MYOCOS: variants seen among roughly 807,000 people sequenced by gnomAD.
The protein encoded by MYOCOS is myocilin opposite strand.
At chr1:171,607,151 T>C (rs1358622928) in intron 1 of MYOCOS, among the ~76,000 whole-genome samples, 1 of 152,038 alleles carries the variant, frequency 6.6e-6, no homozygotes, top group African/African-American at 2.4e-5. Context: ...TATGTCTGTT[T>C]TTCCACCTCT....
chr1:171,602,949 A>G (rs1652170866), intron 1 of MYOCOS, among the ~76,000 whole-genome samples: 1 of 152,158 alleles, frequency 6.6e-6, no homozygotes, highest in East Asian at 1.9e-4. Context: ...ATAAAAAGCA[A>G]TTGTTATGCT....
At chr1:171,605,000 T>C (rs1652217646) in intron 1 of MYOCOS, among the ~76,000 whole-genome samples, 1 of 152,092 alleles carries the variant, frequency 6.6e-6, no homozygotes, top group Admixed American at 6.5e-5. Context: ...AAAAAGGAAG[T>C]TCAAAGATGC....
chr1:171,619,413 C>T (rs371147973), upstream of MYOCOS, among the ~76,000 whole-genome samples: 5 of 152,252 alleles, frequency 3.3e-5, no homozygotes, highest in Non-Finnish European at 5.9e-5. Context: ...GTGATTTTTC[C>T]TGGATTGTAC....
At chr1:171,613,868 GGCT>G (rs1415182627) in intron 1 of MYOCOS, among the ~76,000 whole-genome samples, 3 of 148,928 alleles carry the variant, frequency 2.0e-5, no homozygotes, top group African/African-American at 7.8e-5. Flanking sequence ...ACTGCCCTTT[GGCT>G]GTGGGAAATG....
intron 1 of MYOCOS, among the ~76,000 whole-genome samples, chr1:171,607,250 A>T (rs1247932003): frequency 5.3e-5 from 8 of 152,168 alleles, no homozygotes; most frequent in Non-Finnish European, 1.0e-4. Flanking sequence ...GTTGTTTGGT[A>T]GGTTAGTAGG....
At chr1:171,612,034 T>C (rs1244143420) in intron 1 of MYOCOS, among the ~76,000 whole-genome samples, 2 of 152,196 alleles carry the variant, frequency 1.3e-5, no homozygotes, top group Non-Finnish European at 2.9e-5. Flanking sequence ...AGGGATATTA[T>C]GAGAACTGCT....
upstream of MYOCOS, among the ~76,000 whole-genome samples, chr1:171,618,276 A>T (rs1454371340): frequency 6.6e-6 from 1 of 152,222 alleles, no homozygotes; most frequent in African/African-American, 2.4e-5. Context: ...AAGGGAGCTG[A>T]TAGTACACTT....
chr1:171,612,651 C>T (rs1652376968), intron 1 of MYOCOS, among the ~76,000 whole-genome samples: 2 of 151,798 alleles, frequency 1.3e-5, no homozygotes, highest in Admixed American at 1.3e-4. Context: ...CACGGTGAAA[C>T]ACCATCTCTA....
chr1:171,614,073 C>A (rs138760949), intron 1 of MYOCOS, among the ~76,000 whole-genome samples: 4 of 152,274 alleles, frequency 2.6e-5, no homozygotes, highest in African/African-American at 7.2e-5. Flanking sequence ...CAATTTATTC[C>A]CTTCCAACAG....
chr1:171,616,186 C>T (rs1652447554), intron 2 of MYOCOS, among the ~76,000 whole-genome samples: 1 of 152,074 alleles, frequency 6.6e-6, no homozygotes. Flanking sequence ...CACTGCACTC[C>T]AGCCTGGGTG....
intron 1 of MYOCOS, among the ~76,000 whole-genome samples, chr1:171,601,733 G>A (rs115762507): frequency 0.087 from 13,267 of 152,054 alleles, 743 homozygotes; most frequent in Middle Eastern, 0.15. Context: ...ACCAATTTCC[G>A]TACATAGACA....
upstream of MYOCOS, among the ~76,000 whole-genome samples, chr1:171,618,977 AAACT>A (rs1652503581): frequency 2.0e-5 from 3 of 152,200 alleles, no homozygotes; most frequent in Admixed American, 2.0e-4. Flanking sequence ...AGATAATTTC[AAACT>A]ATTTTTCAAG....
chr1:171,624,750 T>G (rs1008234141), intron 2 of MYOCOS, among the ~76,000 whole-genome samples: 2 of 151,758 alleles, frequency 1.3e-5, no homozygotes, highest in Non-Finnish European at 2.9e-5. Flanking sequence ...CCCGGCCAGT[T>G]TTTTTGTATT....
intron 1 of MYOCOS, among the ~76,000 whole-genome samples, chr1:171,614,190 C>G (rs1011137363): frequency 1.3e-5 from 2 of 152,176 alleles, no homozygotes; most frequent in Non-Finnish European, 1.5e-5. Context: ...TCCACATTGC[C>G]TGGTAATCCA....
intron 1 of MYOCOS, among the ~76,000 whole-genome samples, chr1:171,608,417 T>TC (rs1652294156): frequency 7.6e-6 from 1 of 131,326 alleles, no homozygotes; most frequent in Admixed American, 7.6e-5. Flanking sequence ...ACTTTTTTTT[T>TC]TTTTTTTTTT....
chr1:171,621,946 A>G (rs1358442434), upstream of MYOCOS, among the ~76,000 whole-genome samples: 2 of 152,224 alleles, frequency 1.3e-5, no homozygotes, highest in Non-Finnish European at 2.9e-5. Flanking sequence ...CCTAGAAGAT[A>G]CTATTACTCC....
At chr1:171,622,607 C>G (rs1414247844) in intron 1 of MYOCOS, among the ~76,000 whole-genome samples, 1 of 152,174 alleles carries the variant, frequency 6.6e-6, no homozygotes, top group African/African-American at 2.4e-5. Context: ...GTCAGTTGGG[C>G]ATCCTTATAA....
intron 2 of MYOCOS, chr1:171,615,150 A>G (rs571842400): frequency 6.6e-6 from 1 of 152,256 alleles, no homozygotes; most frequent in African/African-American, 2.4e-5. Context: ...GAGTGGTAAC[A>G]TGACATGTTT....
At chr1:171,608,135 A>G (rs1258344074) in intron 1 of MYOCOS, among the ~76,000 whole-genome samples, 1 of 152,172 alleles carries the variant, frequency 6.6e-6, no homozygotes, top group Non-Finnish European at 1.5e-5. Flanking sequence ...AGTGGGAATT[A>G]TGGGAGATAC....
Sources: allele counts gnomAD v4.1 joint callset (sites outside exome capture counted in the v4.1 genomes callset), GRCh38; gene constraint gnomAD v4.1.1; transcripts MANE v1.5; gene names NCBI Gene and HGNC (gene_info 2026-07-23, HGNC 2026-07-21).